Variants in BZW2 observed in about 807,000 individuals in gnomAD.
BZW2 encodes the protein eIF5-mimic protein 1.
In BZW2, 23 loss-of-function variants were observed where a neutral mutation model predicts 53.2. The ratio of observed to expected loss-of-function variants is 0.43; its 90% confidence interval spans 0.31 to 0.61. The LOEUF (loss-of-function observed/expected upper bound fraction) is 0.61, where lower values mean the gene tolerates loss of function less well. Among genes scored for constraint, BZW2 ranks in the 20% least tolerant of loss-of-function variants. BZW2 has a pLI of 0.09. For synonymous variants in BZW2, 227 were observed against 186.4 expected (o/e 1.22, Z -1.77); for missense variants, 409 against 503.1 (o/e 0.81, Z 1.79).
intron 1 of BZW2, among the ~76,000 whole-genome samples, chr7:16,650,156 G>A (rs975454750): frequency 5.9e-5 from 9 of 152,122 alleles, no homozygotes; most frequent in South Asian, 2.1e-4. Context: ...TGAACAATGC[G>A]TTTCCATAAA....
chr7:16,664,489 C>T (rs1175217286), intron 1 of BZW2, among the ~76,000 whole-genome samples: 2 of 152,194 alleles, frequency 1.3e-5, no homozygotes, highest in African/African-American at 2.4e-5. Flanking sequence ...AACAGAGCCT[C>T]AGAAGCCAGA....
In BZW2 at chr7:16,675,820, C is replaced by T. The variant is rs559957528; in HGVS notation, c.235+1232C>T. ...AGCAGCCGGGCGTGGTGGCTCACGCCTGTAATCCCAACACTTTGGGAGGCT... is the reference window on the plus strand; with the variant it reads ...AGCAGCCGGGCGTGGTGGCTCACGCTTGTAATCCCAACACTTTGGGAGGCT... On this transcript the variant is annotated intron_variant, in intron 3 of 11. Transcript: ENST00000258761. 1.6e-3 allele frequency among the ~76,000 whole-genome samples: 245 copies of T among 152,366 alleles called. 2 individuals are homozygous for T. The highest frequency in any genetic ancestry group is 5.7e-3 in the African/African-American group (235 of 41,578).
chr7:16,666,930 A>G (rs372192222), intron 2 of BZW2, among the ~76,000 whole-genome samples: 11 of 151,824 alleles, frequency 7.2e-5, no homozygotes, highest in African/African-American at 2.7e-4. Flanking sequence ...TATTTTAAAC[A>G]TGATTTTATA....
chr7:16,705,943 C>A, intron 11 of BZW2, 117 bp from the exon 12 acceptor site: 1 of 1,103,150 alleles, frequency 9.1e-7, no homozygotes, highest in Non-Finnish European at 1.4e-6. Context: ...ATAATGGGTG[C>A]CTAGGGTAAA....
At chr7:16,674,661 A>T in intron 3 of BZW2, 73 bp downstream of exon 3, 2 of 1,231,098 alleles carry the variant, frequency 1.6e-6, no homozygotes, top group African/African-American at 1.5e-5. Context: ...TCCTTATAAG[A>T]TAGAGTCTTT....
At chr7:16,648,410 A>G (rs996758762) in intron 1 of BZW2, among the ~76,000 whole-genome samples, 4 of 152,240 alleles carry the variant, frequency 2.6e-5, no homozygotes, top group Non-Finnish European at 4.4e-5. Flanking sequence ...ACAATCCCAT[A>G]TTAGGAAGTG....
intron 1 of BZW2, among the ~76,000 whole-genome samples, chr7:16,664,238 A>C (rs1010306713): frequency 3.3e-5 from 5 of 152,240 alleles, no homozygotes; most frequent in African/African-American, 1.2e-4. Flanking sequence ...AAAAACCTAC[A>C]AGGTTCCTGT....
In BZW2 at chr7:16,704,534, T is replaced by C. The variant is rs1783774144; in HGVS notation, c.1109-13T>C. The C allele has an allele frequency of 2.6e-6, 4 of 1,510,936 alleles. No individual in the cohort carries two copies. The highest frequency in any genetic ancestry group is 3.6e-6 in the Non-Finnish European group (4 of 1,110,186). 93.6% of individuals were successfully genotyped at this position (1,510,936 alleles called of 1,614,324 possible). A position where few individuals can be genotyped will look rare whatever the true frequency, so the allele number is the denominator to read the frequency against. On this transcript the variant is annotated splice_polypyrimidine_tract_variant and intron_variant, in intron 10 of 11. Transcript: ENST00000258761. Reference sequence around the variant, plus strand: ...TGTATAGTAACTTTGAAATCTTTGATTTAAAATTGCAGCTGATGTTCTGAG... The same window carrying C: ...TGTATAGTAACTTTGAAATCTTTGACTTAAAATTGCAGCTGATGTTCTGAG...
At position 16,685,891 on chromosome 7, in the gene BZW2, T is replaced by TTTTTTTTTTTG; in HGVS notation, c.406-10_406-9insTTTTTTGTTTT. On this transcript the variant is annotated splice_polypyrimidine_tract_variant and intron_variant, in intron 5 of 11. Transcript: ENST00000258761. The stretch of plus-strand genomic sequence containing the variant: ...TTTTCTTTTTCTTTTTTTTTTTTTT[T>TTTTTTTTTTTG]TTTTGACCCACAGCTTCTCCTCTTC... The TTTTTTTTTTTG allele has an allele frequency of 6.8e-7, 1 of 1,477,688 alleles. No individual in the cohort carries two copies. Among genetic ancestry groups the TTTTTTTTTTTG allele is most frequent in the Non-Finnish European group, 8.9e-7 (1 of 1,122,828 alleles). 91.5% of individuals were successfully genotyped at this position (1,477,688 alleles called of 1,614,324 possible). A position where few individuals can be genotyped will look rare whatever the true frequency, so the allele number is the denominator to read the frequency against.
intron 1 of BZW2, among the ~76,000 whole-genome samples, chr7:16,648,330 C>A (rs931334738): frequency 2.0e-5 from 3 of 152,146 alleles, no homozygotes; most frequent in African/African-American, 7.2e-5. Context: ...GTTATGACAA[C>A]CCAGGAATGA....
At chr7:16,660,421 C>CT (rs1370745842) in intron 1 of BZW2, among the ~76,000 whole-genome samples, 3 of 146,990 alleles carry the variant, frequency 2.0e-5, no homozygotes, top group East Asian at 2.0e-4. Context: ...AAAAAAAGGT[C>CT]TTTTTTTCCT....
chr7:16,646,187 C>T lies in BZW2; in HGVS notation c.-109C>T, dbSNP rs1231380713. On this transcript the variant is annotated 5_prime_UTR_variant, in exon 1 of 12. Coordinates refer to ENST00000258761, the MANE Select transcript of BZW2 (RefSeq NM_014038.3). ...GTCAATGTGTCTGTCCTTCACTCCT[C>T]CATTGTCTGCCGCCACTGCTGCTGC... 6.0e-6 allele frequency: 2 copies of T among 334,114 alleles called. No homozygotes were observed. Among genetic ancestry groups the T allele is most frequent in the Non-Finnish European group, 1.2e-5 (2 of 165,436 alleles). The allele number at this position is 334,114 out of a possible 1,614,324, so 20.7% of individuals were successfully genotyped here.
At chr7:16,699,741 T>G (rs143086873) in intron 10 of BZW2, among the ~76,000 whole-genome samples, 1 of 152,262 alleles carries the variant, frequency 6.6e-6, no homozygotes, top group African/African-American at 2.4e-5. Context: ...AGGTGGCACA[T>G]GAACTATTAA....
In BZW2 at chr7:16,698,199, G is replaced by A. The variant is rs1783562409; in HGVS notation, c.1108+13G>A. ...CTCTTTTATAAAGGTATCCATCCAC[G>A]TGCCACTGCTGTGCTTCTGTGTTTT... On this transcript the variant is annotated intron_variant, in intron 10 of 11. Transcript: ENST00000258761. 4 of 1,613,894 alleles carry A rather than the reference G, an allele frequency of 2.5e-6. No homozygotes were observed. The highest frequency in any genetic ancestry group is 1.3e-5 in the African/African-American group (1 of 74,936).
chr7:16,649,113 T>G (rs1781930537), intron 1 of BZW2, among the ~76,000 whole-genome samples: 1 of 152,206 alleles, frequency 6.6e-6, no homozygotes, highest in South Asian at 2.1e-4. Context: ...CATCATTGCT[T>G]CTTCATCTGA....
intron 1 of BZW2, among the ~76,000 whole-genome samples, chr7:16,664,852 T>TTATAGTAAA (rs144019263): frequency 0.17 from 25,294 of 151,986 alleles, 4,613 homozygotes; most frequent in African/African-American, 0.46. Context: ...ATGTAAATGT[T>TTATAGTAAA]TATAGTAAAT....
chr7:16,697,955 A>G, intron 9 of BZW2, 93 bp from the exon 10 acceptor site: 1 of 1,481,722 alleles, frequency 6.7e-7, no homozygotes. Flanking sequence ...AGTCTTTTCT[A>G]AGCAACCCTC....
intron 1 of BZW2, 147 bp from the exon 2 acceptor site, chr7:16,665,290 C>G: frequency 1.1e-6 from 1 of 939,816 alleles, no homozygotes; most frequent in Non-Finnish European, 1.6e-6. Flanking sequence ...TGGGCGACAG[C>G]GAGACTCTGT....
At chr7:16,651,781 C>G (rs149339039) in intron 1 of BZW2, among the ~76,000 whole-genome samples, 2 of 152,284 alleles carry the variant, frequency 1.3e-5, no homozygotes, top group African/African-American at 4.8e-5. Context: ...TTTTCCCCCC[C>G]ACCGCTTAAT....
Sources: allele counts gnomAD v4.1 joint callset (sites outside exome capture counted in the v4.1 genomes callset), GRCh38; gene constraint gnomAD v4.1.1; transcripts MANE v1.5; gene names NCBI Gene and HGNC (gene_info 2026-07-23, HGNC 2026-07-21).